GRM5: variants seen among roughly 807,000 people sequenced by gnomAD.
GRM5 encodes the protein metabotropic glutamate receptor 5.
GRM5 carries 19 observed loss-of-function variants against 83.1 expected under a neutral mutation model. The observed-to-expected ratio is 0.23, with a 90% CI of 0.16 to 0.34. The LOEUF is 0.34. GRM5 is among the 10% of genes least tolerant of loss of function. The pLI, the probability that GRM5 is intolerant of heterozygous loss-of-function variation, is 1.00. For missense variants in GRM5, 1,160 were observed against 1,588.3 expected (o/e 0.73, Z 4.58); for synonymous variants, 675 against 633.6 (o/e 1.07, Z -0.98).
intron 3 of GRM5, among the ~76,000 whole-genome samples, chr11:88,705,823 G>A (rs1591453704): frequency 6.6e-6 from 1 of 151,960 alleles, no homozygotes; most frequent in South Asian, 2.1e-4. Context: ...TCTTGGGTAT[G>A]TCACCCAAGA....
chr11:88,763,187 G>A (rs1408950239), intron 3 of GRM5, among the ~76,000 whole-genome samples: 1 of 151,674 alleles, frequency 6.6e-6, no homozygotes, highest in Non-Finnish European at 1.5e-5. Flanking sequence ...AGTTTAAAAA[G>A]TGAGGGAGAT....
At chr11:88,804,990 G>T (rs1182494744) in intron 3 of GRM5, among the ~76,000 whole-genome samples, 1 of 152,094 alleles carries the variant, frequency 6.6e-6, no homozygotes, top group Non-Finnish European at 1.5e-5. Context: ...AGAAAGAGAA[G>T]TCTTATGCCA....
intron 1 of GRM5, among the ~76,000 whole-genome samples, chr11:89,057,112 A>G (rs1050428760): frequency 6.6e-6 from 1 of 152,178 alleles, no homozygotes; most frequent in Non-Finnish European, 1.5e-5. Flanking sequence ...TGTCTCTTAT[A>G]TAACTTAATC....
intron 2 of GRM5, among the ~76,000 whole-genome samples, chr11:89,026,755 T>C (rs1941138413): frequency 6.6e-6 from 1 of 152,212 alleles, no homozygotes; most frequent in South Asian, 2.1e-4. Context: ...AATCACTCTT[T>C]CTTTACCTTT....
chr11:88,510,550 C>G (rs944935528), intron 9 of GRM5, among the ~76,000 whole-genome samples: 3 of 152,086 alleles, frequency 2.0e-5, no homozygotes, highest in Non-Finnish European at 4.4e-5. Flanking sequence ...GAGTTTTGCT[C>G]TTGTTGCCCA....
In GRM5 at chr11:88,992,577, T is replaced by C. The variant is rs891907398; in HGVS notation, c.661+54635A>G. 3.9e-5 allele frequency among the ~76,000 whole-genome samples: 6 copies of C among 151,966 alleles called. 1 individual carries two copies. Among genetic ancestry groups the C allele is most frequent in the East Asian group, 1.9e-4 (1 of 5,192 alleles). ...AAAGACACATGCACATGTATGTTTA[T>C]TGTGGCACTATTCACAATAGCAAAG... On this transcript the variant is annotated intron_variant, in intron 2 of 9. Coordinates refer to ENST00000305447, the MANE Select transcript of GRM5 (RefSeq NM_001143831.3).
chr11:89,029,271 T>C (rs1303648024), intron 2 of GRM5, among the ~76,000 whole-genome samples: 5 of 152,210 alleles, frequency 3.3e-5, no homozygotes, highest in African/African-American at 9.6e-5. Flanking sequence ...ACAAGTTATC[T>C]GGTAGAAACA....
intron 8 of GRM5, among the ~76,000 whole-genome samples, chr11:88,566,659 A>G (rs1195934448): frequency 2.0e-5 from 3 of 152,134 alleles, no homozygotes. Context: ...TTTTGCTCTC[A>G]GTATAATCTT....
intron 3 of GRM5, among the ~76,000 whole-genome samples, chr11:88,829,331 C>T (rs1292187237): frequency 6.6e-6 from 1 of 152,058 alleles, no homozygotes; most frequent in Admixed American, 6.6e-5. Context: ...CGCGGAAGCA[C>T]ATGCCTATAA....
chr11:88,688,139 G>A (rs1940692767), intron 3 of GRM5, among the ~76,000 whole-genome samples: 1 of 152,112 alleles, frequency 6.6e-6, no homozygotes, highest in Admixed American at 6.6e-5. Context: ...TGTGATTATA[G>A]TCCTGTAAAA....
chr11:88,822,784 T>TCTCTCTCCTTCC (rs1943823837), intron 3 of GRM5, among the ~76,000 whole-genome samples: 1 of 151,972 alleles, frequency 6.6e-6, no homozygotes, highest in Non-Finnish European at 1.5e-5. Flanking sequence ...TCTCTCTTTC[T>TCTCTCTCCTTCC]CTCTCTCCTT....
rs1398059351 is a variant in GRM5, at chr11:88,873,810, A to G, written c.662-23655T>C. On this transcript the variant is annotated intron_variant, in intron 2 of 9. Coordinates refer to ENST00000305447, the MANE Select transcript of GRM5 (RefSeq NM_001143831.3). ...AAAGTTGCATTTCTAAAACCTAGAA[A>G]AATGAGAACAAAATAAACCCCAAAC... Among the ~76,000 whole-genome samples the G allele has an allele frequency of 5.3e-5, 8 of 151,758 alleles. No homozygotes were observed. The East Asian group carries it at 1.4e-3, about 26-fold the overall frequency.
At chr11:88,523,543 T>C (rs528043360) in intron 9 of GRM5, among the ~76,000 whole-genome samples, 1 of 152,318 alleles carries the variant, frequency 6.6e-6, no homozygotes, top group African/African-American at 2.4e-5. Flanking sequence ...GAGACTCATT[T>C]TGCAGATGCA....
At chr11:88,754,361 C>G (rs1565215399) in intron 3 of GRM5, among the ~76,000 whole-genome samples, 1 of 152,048 alleles carries the variant, frequency 6.6e-6, no homozygotes, top group East Asian at 1.9e-4. Flanking sequence ...ATCTGTACAG[C>G]AAACCACCAT....
chr11:88,614,224 C>T (rs1938407888), intron 4 of GRM5, among the ~76,000 whole-genome samples: 1 of 152,098 alleles, frequency 6.6e-6, no homozygotes, highest in African/African-American at 2.4e-5. Flanking sequence ...GGCTCTGTGG[C>T]TTGGACAGGT....
At chr11:88,570,571 A>ATATATATATTTT (rs1405339448) in intron 7 of GRM5, among the ~76,000 whole-genome samples, 1 of 46,378 alleles carries the variant, frequency 2.2e-5, no homozygotes, top group African/African-American at 1.3e-4. Flanking sequence ...ATATATATAT[A>ATATATATATTTT]TTTTTTTTTT....
At chr11:88,923,668 TTG>T (rs1945733422) in intron 2 of GRM5, among the ~76,000 whole-genome samples, 1 of 151,980 alleles carries the variant, frequency 6.6e-6, no homozygotes, top group South Asian at 2.1e-4. Flanking sequence ...CAACAATTTA[TTG>T]TACATTTTTA....
At chr11:88,774,482 C>A (rs574851272) in intron 3 of GRM5, among the ~76,000 whole-genome samples, 1 of 152,290 alleles carries the variant, frequency 6.6e-6, no homozygotes, top group South Asian at 2.1e-4. Flanking sequence ...ACTTCCAACA[C>A]CATGCTGAAT....
intron 4 of GRM5, among the ~76,000 whole-genome samples, chr11:88,622,670 T>G (rs1277944196): frequency 6.6e-6 from 1 of 152,178 alleles, no homozygotes; most frequent in Non-Finnish European, 1.5e-5. Context: ...TATATATGCA[T>G]GTATTTATAC....
Sources: gnomAD v4.1 joint callset for allele counts (sites outside exome capture counted in the v4.1 genomes callset) on GRCh38, gnomAD v4.1.1 for gene constraint, MANE v1.5 for transcripts, NCBI Gene and HGNC (gene_info 2026-07-23, HGNC 2026-07-21) for gene names.